Variants in SEM1 observed in about 807,000 individuals in gnomAD.
SEM1 encodes the protein 26S proteasome complex subunit SEM1.
SEM1 carries 3 observed loss-of-function variants against 12.7 expected under a neutral mutation model. That is an observed-to-expected ratio of 0.24 (90% confidence interval 0.11 to 0.61). The LOEUF (loss-of-function observed/expected upper bound fraction) is 0.61. SEM1 is among the 20% of genes least tolerant of loss of function. The probability of loss-of-function intolerance (pLI) is 0.88; values close to 1 mark genes in which losing one functional copy is unlikely to be tolerated. For synonymous variants in SEM1, 30 were observed against 27.8 expected, an observed-to-expected ratio of 1.08 and a Z score of -0.25; for missense variants, 59 against 81.3, an observed-to-expected ratio of 0.73 and a Z score of 1.06.
intron 2 of SEM1, among the ~76,000 whole-genome samples, chr7:96,591,311 C>G (rs1351809491): frequency 6.6e-6 from 1 of 152,168 alleles, no homozygotes; most frequent in East Asian, 1.9e-4. Flanking sequence ...TAATAAAAGA[C>G]TTTCGGTTAA....
At chr7:96,559,938 T>G (rs888468020) in intron 2 of SEM1, among the ~76,000 whole-genome samples, 1 of 152,118 alleles carries the variant, frequency 6.6e-6, no homozygotes, top group Admixed American at 6.6e-5. Context: ...AGAAACACCT[T>G]GAAGAAGGTG....
At chr7:96,652,143 T>C (rs1014402552) in intron 2 of SEM1, among the ~76,000 whole-genome samples, 1 of 152,182 alleles carries the variant, frequency 6.6e-6, no homozygotes, top group Non-Finnish European at 1.5e-5. Flanking sequence ...TAAATGCAAT[T>C]GAATCATGAA....
intron 2 of SEM1, among the ~76,000 whole-genome samples, chr7:96,513,189 G>T (rs1256988763): frequency 6.6e-6 from 1 of 152,002 alleles, no homozygotes; most frequent in Non-Finnish European, 1.5e-5. Flanking sequence ...AGAACACCCT[G>T]AACAAGCAAA....
chr7:96,515,305 G>A (rs970751285), intron 2 of SEM1, among the ~76,000 whole-genome samples: 3 of 152,278 alleles, frequency 2.0e-5, no homozygotes, highest in South Asian at 4.1e-4. Flanking sequence ...TCAGAGAGAT[G>A]CAAATCAAAA....
At chr7:96,504,285 T>C (rs1803674079) in intron 3 of SEM1, among the ~76,000 whole-genome samples, 1 of 152,148 alleles carries the variant, frequency 6.6e-6, no homozygotes, top group Non-Finnish European at 1.5e-5. Context: ...TCTTACAGAA[T>C]CTGGAACTCT....
intron 2 of SEM1, among the ~76,000 whole-genome samples, chr7:96,627,306 G>T (rs1366698436): frequency 1.3e-5 from 2 of 151,016 alleles, no homozygotes; most frequent in Non-Finnish European, 1.5e-5. Flanking sequence ...ACTAATTTAG[G>T]GCTTGGTTTG....
At chr7:96,575,924 A>T (rs1806190746) in intron 2 of SEM1, among the ~76,000 whole-genome samples, 1 of 152,244 alleles carries the variant, frequency 6.6e-6, no homozygotes. Context: ...CTTGAAGAAG[A>T]CGACACATGT....
At chr7:96,635,927 A>G (rs1808412582) in intron 2 of SEM1, among the ~76,000 whole-genome samples, 1 of 152,162 alleles carries the variant, frequency 6.6e-6, no homozygotes, top group Non-Finnish European at 1.5e-5. Context: ...GGAAAAAAAG[A>G]AAGTAATACT....
chr7:96,546,663 A>T (rs1410232045), intron 2 of SEM1, among the ~76,000 whole-genome samples: 1 of 152,100 alleles, frequency 6.6e-6, no homozygotes. Flanking sequence ...GGAACATTCC[A>T]CCGGCACGAT....
At chr7:96,521,385 A>G (rs574871172) in intron 2 of SEM1, among the ~76,000 whole-genome samples, 46 of 152,282 alleles carry the variant, frequency 3.0e-4, no homozygotes, top group African/African-American at 1.0e-3. Context: ...GCCATGGTAC[A>G]AGCCACACCA....
At chr7:96,540,668 A>G (rs1033664715) in intron 2 of SEM1, among the ~76,000 whole-genome samples, 1 of 151,842 alleles carries the variant, frequency 6.6e-6, no homozygotes, top group African/African-American at 2.4e-5. Context: ...CGTTTGTTAC[A>G]TGGACATATT....
chr7:96,573,649 G>T (rs1215173320), intron 2 of SEM1, among the ~76,000 whole-genome samples: 1 of 152,100 alleles, frequency 6.6e-6, no homozygotes, highest in Non-Finnish European at 1.5e-5. Context: ...TTAGTCTGAT[G>T]GGCTTCCCTT....
intron 2 of SEM1, among the ~76,000 whole-genome samples, chr7:96,641,604 T>G (rs1373137076): frequency 6.6e-6 from 1 of 152,060 alleles, no homozygotes; most frequent in Non-Finnish European, 1.5e-5. Context: ...GTTTTCTTCT[T>G]GTCTAACTAA....
chr7:96,642,900 G>A (rs1257374327), intron 2 of SEM1, among the ~76,000 whole-genome samples: 1 of 151,166 alleles, frequency 6.6e-6, no homozygotes, highest in Non-Finnish European at 1.5e-5. Flanking sequence ...ATGTTTCTAT[G>A]GGCCCTAATT....
upstream of SEM1, among the ~76,000 whole-genome samples, chr7:96,497,288 T>C (rs1322301913): frequency 6.6e-6 from 1 of 152,058 alleles, no homozygotes; most frequent in East Asian, 1.9e-4. Context: ...AAAATTTTAA[T>C]TTACCAAGTC....
intron 2 of SEM1, among the ~76,000 whole-genome samples, chr7:96,565,286 G>C (rs190921221): frequency 5.3e-5 from 8 of 152,038 alleles, no homozygotes; most frequent in Admixed American, 5.3e-4. Flanking sequence ...GGTGGAGAAA[G>C]TGAATTTACA....
At chr7:96,675,429 T>C (rs1253746835) in intron 2 of SEM1, among the ~76,000 whole-genome samples, 1 of 152,200 alleles carries the variant, frequency 6.6e-6, no homozygotes, top group Non-Finnish European at 1.5e-5. Context: ...GTTCTAACAC[T>C]TAATGTCCCT....
At chr7:96,558,465 T>C (rs1805597025) in intron 2 of SEM1, among the ~76,000 whole-genome samples, 1 of 152,088 alleles carries the variant, frequency 6.6e-6, no homozygotes, top group South Asian at 2.1e-4. Flanking sequence ...CTGAGCAAAG[T>C]AGTAAACTTA....
At chr7:96,483,178 T>C (rs1802612499) in exon 4 of SEM1, 1 of 152,256 alleles carries the variant, frequency 6.6e-6, no homozygotes, top group Non-Finnish European at 1.5e-5. Context: ...ATTTAAATAC[T>C]CGTTATTTAA....
Sources: gnomAD v4.1 joint callset for allele counts (sites outside exome capture counted in the v4.1 genomes callset) on GRCh38, gnomAD v4.1.1 for gene constraint, MANE v1.5 for transcripts, NCBI Gene and HGNC (gene_info 2026-07-23, HGNC 2026-07-21) for gene names.